The following ABCB6 variants were observed in gnomAD, a reference collection of about 807,000 sequenced individuals.
ABCB6 encodes ATP binding cassette subfamily B member 6 (LAN blood group), also known as ATP-binding cassette sub-family B member 6.
ABCB6 carries 87 observed loss-of-function variants against 99.4 expected under a neutral mutation model. The observed-to-expected ratio is 0.88, with a 90% confidence interval of 0.74 to 1.05. ABCB6 has a LOEUF of 1.05. Among genes scored for constraint, ABCB6 ranks in the 50% least tolerant of loss-of-function variants. The probability of loss-of-function intolerance (pLI) is 0.00; values close to 1 mark genes in which losing one functional copy is unlikely to be tolerated. For synonymous variants in ABCB6, 482 were observed against 447.5 expected (o/e 1.08, Z -0.97); for missense variants, 1,050 against 1,097.9 (o/e 0.96, Z 0.62).
rs1274876157 is a variant in ABCB6, at chr2:219,216,591, C to A, written c.868+61G>T. 2.0e-6 allele frequency: 3 copies of A among 1,537,734 alleles called. No individual in the cohort carries two copies. Among genetic ancestry groups the A allele is most frequent in the African/African-American group, 2.7e-5 (2 of 72,798 alleles). On this transcript the variant is annotated intron_variant, in intron 3 of 18. Coordinates refer to ENST00000265316, the MANE Select transcript of ABCB6 (RefSeq NM_005689.4). This position sits in a 1 kb window ranked among gnomAD's most constrained non-coding sequence, Gnocchi z 4.2. ...TCTGTCCCACCTCCCTAGGTAAGGA[C>A]CATCCCAGCCACCAGGCTGATGAAG...
chr2:219,210,717 C>A lies in ABCB6; in HGVS notation c.2250G>T (p.Leu750=). 1.2e-6 allele frequency: 2 copies of A among 1,613,628 alleles called. No individual in the cohort carries two copies. Among genetic ancestry groups the A allele is most frequent in the Non-Finnish European group, 1.7e-6 (2 of 1,179,954 alleles). Residue 750 remains leucine (L), a synonymous_variant, in exon 16 of 19, where the codon CTG becomes CTT. Transcript: ENST00000265316. ...GAGGAGACCCAGGGCGCACCTCATCCAGCAGAATGATGCCCGGAGCCTTGA... is the reference window on the plus strand; with the variant it reads ...GAGGAGACCCAGGGCGCACCTCATCAAGCAGAATGATGCCCGGAGCCTTGA... The part of the protein sequence containing the change: ...TILKAPGIIL[L]DEATSALDTS...
In ABCB6 at chr2:219,213,678, A is replaced by G. The variant is rs763044972; in HGVS notation, c.1579-12T>C. 12 of 1,614,118 alleles carry G rather than the reference A, an allele frequency of 7.4e-6. No homozygotes were observed. The highest frequency in any genetic ancestry group is 1.7e-5 in the Admixed American group (1 of 60,024). On this transcript the variant is annotated splice_polypyrimidine_tract_variant and intron_variant, in intron 9 of 18. Transcript: ENST00000265316. ...ACATAGTCCCCAACCTGTGGCAATC[A>G]AGGAAGCAGAGCATGTCACGGGGGG... is the stretch of plus-strand genomic sequence containing the variant.
Sources: gnomAD v4.1 joint callset for allele counts on GRCh38, gnomAD v4.1.1 for gene constraint, Gnocchi (gnomAD v3.1) non-coding constraint, MANE v1.5 for transcripts, NCBI Gene and HGNC (gene_info 2026-07-23, HGNC 2026-07-21) for gene names.